Variants in ARHGEF28 observed in about 807,000 individuals in gnomAD.
The protein encoded by ARHGEF28 is Rho guanine nucleotide exchange factor 28.
In ARHGEF28, 152 loss-of-function variants were observed where a neutral mutation model predicts 206.6. That is an observed-to-expected ratio of 0.74 (90% confidence interval 0.64 to 0.84). The LOEUF (loss-of-function observed/expected upper bound fraction) is 0.84, where lower values mean the gene tolerates loss of function less well. Among genes scored for constraint, ARHGEF28 ranks in the 40% least tolerant of loss-of-function variants. The pLI is 0.00. For missense variants in ARHGEF28, 2,028 were observed against 2,073.2 expected, an observed-to-expected ratio of 0.98 and a Z score of 0.42; for synonymous variants, 763 against 776.4, an observed-to-expected ratio of 0.98 and a Z score of 0.29.
chr5:73,748,631 A>G (rs983643016), intron 2 of ARHGEF28, among the ~76,000 whole-genome samples: 10 of 152,102 alleles, frequency 6.6e-5, no homozygotes, highest in African/African-American at 2.2e-4. Context: ...CTCCTCTATC[A>G]TAGGGTAAGG....
rs755945625 is a variant in ARHGEF28 at position 73,840,512 on chromosome 5, A to C, written c.1179A>C (p.Ile393=). The change falls in exon 11 of 36, where the codon ATA becomes ATC. Residue 393 remains isoleucine (I), a synonymous_variant. Transcript: ENST00000513042. ...ATTTGGATATCAGCTATATTAATATAGAGGGAATCACTGCCACTACCAGCC... is the reference window on the plus strand; with the variant it reads ...ATTTGGATATCAGCTATATTAATATCGAGGGAATCACTGCCACTACCAGCC... ...VGDLDISYIN[I]EGITATTSPE... is the part of the protein sequence containing the mutation. 1 of 1,613,926 alleles carries C rather than the reference A, an allele frequency of 6.2e-7. No homozygotes were observed. The highest frequency in any genetic ancestry group is 1.1e-5 in the South Asian group (1 of 91,078).
chr5:73,683,393 T>TC (rs754748594), intron 1 of ARHGEF28, among the ~76,000 whole-genome samples: 62 of 152,236 alleles, frequency 4.1e-4, no homozygotes, highest in Admixed American at 6.5e-4. Flanking sequence ...CATTTTTTTT[T>TC]CTGTTTCTCA....
At chr5:73,722,283 T>C (rs1207321254) in intron 2 of ARHGEF28, among the ~76,000 whole-genome samples, 1 of 152,256 alleles carries the variant, frequency 6.6e-6, no homozygotes, top group Non-Finnish European at 1.5e-5. Flanking sequence ...TCATCAACCT[T>C]TTATTTAATT....
chr5:73,901,852 A>G (rs441338), intron 31 of ARHGEF28: 70,739 of 151,486 alleles, frequency 0.47, 17,117 homozygotes, highest in African/African-American at 0.61. Flanking sequence ...ACTTACTGCT[A>G]TAGACATAGA....
At position 73,658,440 on chromosome 5, in the gene ARHGEF28, C is replaced by T. The variant is rs372857191; in HGVS notation, c.-11-26401C>T. 6.5e-4 allele frequency among the ~76,000 whole-genome samples: 99 copies of T among 152,252 alleles called. 1 individual carries two copies. In the Middle Eastern group the frequency reaches 0.02, roughly 31 times the overall value. ...AGAGAAGAAGGGACTATTGTAGGCACACAGTCCCTCAGCTATTAGGAATGA... is the reference window on the plus strand; with the variant it reads ...AGAGAAGAAGGGACTATTGTAGGCATACAGTCCCTCAGCTATTAGGAATGA... On this transcript the variant is annotated intron_variant, in intron 1 of 35. Coordinates refer to ENST00000513042, the MANE Select transcript of ARHGEF28 (RefSeq NM_001177693.2).
chr5:73,660,326 C>T (rs548728203), intron 1 of ARHGEF28, among the ~76,000 whole-genome samples: 10 of 152,300 alleles, frequency 6.6e-5, no homozygotes, highest in African/African-American at 2.4e-4. Context: ...CTTATCGCTC[C>T]ACTTCCAATT....
chr5:73,866,333 C>A (rs1370604043), intron 18 of ARHGEF28, among the ~76,000 whole-genome samples: 6 of 152,178 alleles, frequency 3.9e-5, no homozygotes, highest in African/African-American at 1.4e-4. Context: ...AATAATCCTT[C>A]AAGGAAAAGA....
At chr5:73,886,423 A>G (rs1481481928) in intron 25 of ARHGEF28, among the ~76,000 whole-genome samples, 2 of 152,180 alleles carry the variant, frequency 1.3e-5, no homozygotes, top group African/African-American at 2.4e-5. Flanking sequence ...GGTGTGTTGA[A>G]AGCAAGGCAG....
intron 8 of ARHGEF28, among the ~76,000 whole-genome samples, chr5:73,795,113 C>CA (rs1255738185): frequency 6.6e-6 from 1 of 152,196 alleles, no homozygotes; most frequent in African/African-American, 2.4e-5. Context: ...AACCTGTGTA[C>CA]AGCTTTCAGG....
chr5:73,735,517 G>A (rs1018106891), intron 2 of ARHGEF28, among the ~76,000 whole-genome samples: 3 of 152,112 alleles, frequency 2.0e-5, no homozygotes, highest in African/African-American at 7.2e-5. Flanking sequence ...CATTGAGCCA[G>A]ACCCATGTTT....
rs1441495257 is a variant in ARHGEF28 at position 73,868,031 on chromosome 5, G to C, written c.2297+11G>C. 1 of 1,613,838 alleles carries C rather than the reference G, an allele frequency of 6.2e-7. No homozygotes were observed. The highest frequency in any genetic ancestry group is 8.5e-7 in the Non-Finnish European group (1 of 1,179,796). ...CACCACCTTGGAAAGGTAAGGCTGA[G>C]TGTGTTTTTACATATTAATGGCTCA... On this transcript the variant is annotated intron_variant, in intron 19 of 35. Transcript: ENST00000513042.
At chr5:73,844,204 T>C (rs1758158683) in intron 11 of ARHGEF28, among the ~76,000 whole-genome samples, 1 of 152,222 alleles carries the variant, frequency 6.6e-6, no homozygotes, top group South Asian at 2.1e-4. Context: ...ATACTGATAC[T>C]TCTAGGATGT....
chr5:73,775,617 T>C (rs1289792185), intron 5 of ARHGEF28, among the ~76,000 whole-genome samples: 2 of 152,196 alleles, frequency 1.3e-5, no homozygotes, highest in Non-Finnish European at 2.9e-5. Context: ...TTAACAAAAT[T>C]AGGTCATGTT....
chr5:73,818,610 T>C (rs922006269), intron 9 of ARHGEF28, among the ~76,000 whole-genome samples: 2 of 152,198 alleles, frequency 1.3e-5, no homozygotes, highest in Non-Finnish European at 2.9e-5. Flanking sequence ...TTTAACCTCA[T>C]ACAGAGCAGT....
intron 2 of ARHGEF28, among the ~76,000 whole-genome samples, chr5:73,719,555 A>C (rs1450218552): frequency 6.6e-6 from 1 of 152,228 alleles, no homozygotes; most frequent in East Asian, 1.9e-4. Flanking sequence ...TTTCTGCAGC[A>C]ACAGTGCTAA....
At chr5:73,751,520 G>A (rs72770859) in intron 3 of ARHGEF28, among the ~76,000 whole-genome samples, 5,105 of 152,140 alleles carry the variant, frequency 0.034, 107 homozygotes, top group Non-Finnish European at 0.042. Flanking sequence ...CCTACCTTTC[G>A]TTTTGCTCCC....
At chr5:73,690,643 A>C (rs1023827274) in intron 2 of ARHGEF28, among the ~76,000 whole-genome samples, 9 of 151,394 alleles carry the variant, frequency 5.9e-5, no homozygotes, top group Non-Finnish European at 1.3e-4. Context: ...GGCTGCAGTG[A>C]GCTGTAATCA....
At chr5:73,796,504 T>A (rs537410130) in intron 9 of ARHGEF28, among the ~76,000 whole-genome samples, 26 of 152,164 alleles carry the variant, frequency 1.7e-4, no homozygotes, top group Non-Finnish European at 3.8e-4. Context: ...TGAGGGAGTG[T>A]GGTTGGTATG....
intron 21 of ARHGEF28, 147 bp downstream of exon 21, chr5:73,870,356 G>A (rs1446130913): frequency 1.9e-6 from 2 of 1,040,544 alleles, no homozygotes; most frequent in East Asian, 2.7e-5. Flanking sequence ...AGATCACCTA[G>A]ACCTTAGTTT....
Sources: gnomAD v4.1 joint callset for allele counts (sites outside exome capture counted in the v4.1 genomes callset) on GRCh38, gnomAD v4.1.1 for gene constraint, MANE v1.5 for transcripts, NCBI Gene and HGNC (gene_info 2026-07-23, HGNC 2026-07-21) for gene names.